NOC2L: variants seen among roughly 807,000 people sequenced by gnomAD.
NOC2L encodes NOC2 like nucleolar associated transcriptional repressor.
Under a neutral mutation model 94.2 loss-of-function variants are expected in NOC2L, and 101 were observed. The observed-to-expected ratio is 1.07, with a 90% CI of 0.91 to 1.26. NOC2L has a LOEUF of 1.26. Ranked by LOEUF, NOC2L falls within the 50% of genes most tolerant of loss-of-function variation. The pLI is 0.00. For synonymous variants in NOC2L, 531 were observed against 413.4 expected (o/e 1.28, Z -3.45); for missense variants, 1,076 against 980.1 (o/e 1.10, Z -1.31).
At chr1:945,764 A>G (rs1371786109) in intron 16 of NOC2L, 111 bp from the exon 17 acceptor site, 2 of 1,346,572 alleles carry the variant, frequency 1.5e-6, no homozygotes, top group Non-Finnish European at 2.1e-6. Flanking sequence ...GCCAATTTCT[A>G]GTCCCCTCTG....
Position 956,762 on chromosome 1 carries a change from G to A in NOC2L, c.486+132C>T, listed in dbSNP as rs908809565. On this transcript the variant is annotated intron_variant, in intron 4 of 18. Coordinates refer to ENST00000327044, the MANE Select transcript of NOC2L (RefSeq NM_015658.4). Reference sequence around the variant, plus strand: ...CCCTCCCACCAGCACAGCCTCAGGCGCCTCAGGTGAGGCAAGGCCAGATCT... The same window carrying A: ...CCCTCCCACCAGCACAGCCTCAGGCACCTCAGGTGAGGCAAGGCCAGATCT... The A allele has an allele frequency of 4.8e-5, 63 of 1,309,224 alleles. No homozygotes were observed. In the African/African-American group the frequency reaches 7.1e-4, roughly 15 times the overall value. 81.1% of individuals were successfully genotyped at this position (1,309,224 alleles called of 1,614,324 possible).
rs756719063 is a variant in NOC2L, at chr1:956,896, T to G, written c.484A>C (p.Lys162Gln). 2.2e-4 allele frequency: 359 copies of G among 1,613,530 alleles called. 1 individual carries two copies. The highest frequency in any genetic ancestry group is 2.9e-4 in the South Asian group (26 of 91,070). ...GCCCGCCCCTGGCTGCTGCTCACCT[T>G]TGCTGCCTGCTTCCATCTCTCAACC... ...AMVERWKQAA[K>Q]QRLTPKLFHE... The change falls in exon 4 of 19, where the codon AAG (lysine) becomes CAG (glutamine). Residue 162 changes from lysine to glutamine, a missense_variant and splice_region_variant. Around this residue, in one of 3 missense-constraint regions of NOC2L, gnomAD observed 457 missense variants for 386.0 expected, o/e 1.18. Transcript: ENST00000327044.
chr1:950,465 G>C (rs769032045), intron 12 of NOC2L, among the ~76,000 whole-genome samples: 42 of 151,352 alleles, frequency 2.8e-4, no homozygotes, highest in Non-Finnish European at 5.0e-4. Context: ...GCATGTGCAT[G>C]CATACAGGTA....
At chr1:949,166 G>A (rs1048598864) in intron 12 of NOC2L, among the ~76,000 whole-genome samples, 1 of 106,142 alleles carries the variant, frequency 9.4e-6, no homozygotes, top group African/African-American at 2.6e-5. Context: ...ATGCCAGGAG[G>A]AGCAGAGAAA....
chr1:944,985 C>A lies in NOC2L; in HGVS notation c.2143+72G>T, dbSNP rs530332032. 5.9e-5 allele frequency: 94 copies of A among 1,605,622 alleles called. No individual in the cohort carries two copies. In the South Asian group the frequency reaches 9.2e-4, roughly 16 times the overall value. ...AGCCTGGCCCAGAGCCCCACGCCCC[C>A]CGCCCACGTGGCTCTGCCCTCCCGC... On this transcript the variant is annotated intron_variant, in intron 18 of 18. Transcript: ENST00000327044.
rs541323033 is a variant in NOC2L at position 950,691 on chromosome 1, C to T, written c.1443+436G>A. Among the ~76,000 whole-genome samples the T allele has an allele frequency of 3.3e-5, 5 of 152,204 alleles. No homozygotes were observed. In the South Asian group the frequency reaches 1.0e-3, roughly 32 times the overall value. On this transcript the variant is annotated intron_variant, in intron 12 of 18. Coordinates refer to ENST00000327044, the MANE Select transcript of NOC2L (RefSeq NM_015658.4). Reference sequence around the variant, plus strand: ...CACACAGATTTACAGACCCATGCACCCAGATGGTGCACACACACGCATGCA... The same window carrying T: ...CACACAGATTTACAGACCCATGCACTCAGATGGTGCACACACACGCATGCA...
At chr1:951,032 A>G (rs1642247410) in intron 12 of NOC2L, 95 bp downstream of exon 12, 1 of 938,736 alleles carries the variant, frequency 1.1e-6, no homozygotes, top group Non-Finnish European at 1.7e-6. Context: ...GGGCTCCGGG[A>G]AGTCGCCGGA....
chr1:952,489 C>T lies in NOC2L; in HGVS notation c.1114G>A (p.Val372Met). 1.2e-6 allele frequency: 2 copies of T among 1,613,792 alleles called. No homozygotes were observed. Among genetic ancestry groups the T allele is most frequent in the South Asian group, 1.1e-5 (1 of 91,090 alleles). ...LTELLALEPG[V>M]AYQHAFLYIR... ...TAGAGGAAGGCGTGCTGGTAGGCCA[C>T]ACCCGGCTCCAGGGCCAGCAGCTCC... is the stretch of plus-strand genomic sequence containing the variant. Residue 372 changes from valine (V) to methionine (M), a missense_variant, in exon 10 of 19, where the codon GTG becomes ATG. Val to Met is a conservative substitution (Grantham distance 21). Around this residue, in one of 3 missense-constraint regions of NOC2L, gnomAD observed 615 missense variants for 577.4 expected, o/e 1.07. Coordinates refer to ENST00000327044, the MANE Select transcript of NOC2L (RefSeq NM_015658.4).
Position 957,027 on chromosome 1 carries a change from T to C in NOC2L, c.355-2A>G, listed in dbSNP as rs778368026. 5.6e-6 allele frequency: 9 copies of C among 1,613,974 alleles called. No homozygotes were observed. Among genetic ancestry groups the C allele is most frequent in the South Asian group, 1.1e-5 (1 of 91,094 alleles). On this transcript the variant is annotated splice_acceptor_variant, in intron 3 of 18. Transcript: ENST00000327044. LOFTEE classifies it high-confidence loss of function. ...TCCATCCTCCTCCTCACTGGCTTCC[T>C]GCACAGAAAGGCTGAGCTGAAGGAG...
rs778441416 is a variant in NOC2L, at chr1:945,606, G to A, written c.1965C>T (p.Asp655=). 7 of 1,614,164 alleles carry A rather than the reference G, an allele frequency of 4.3e-6. No individual in the cohort carries two copies. Among genetic ancestry groups the A allele is most frequent in the South Asian group, 1.1e-5 (1 of 91,088 alleles). Residue 655 remains aspartate (D), a synonymous_variant, in exon 17 of 19, where the codon GAC becomes GAT. Coordinates refer to ENST00000327044, the MANE Select transcript of NOC2L (RefSeq NM_015658.4). The stretch of plus-strand genomic sequence containing the variant: ...ATTGCTTCCTGTCCTCATCCTTCCT[G>A]TCAGCCATCTTCCTTCGTTTGATCT... ...FPEIKRRKMA[D]RKDEDRKQFK...
At position 945,052 on chromosome 1, in the gene NOC2L, T is replaced by C. The variant is rs753223961; in HGVS notation, c.2143+5A>G. 18 of 1,613,862 alleles carry C rather than the reference T, an allele frequency of 1.1e-5. No individual in the cohort carries two copies. Among genetic ancestry groups the C allele is most frequent in the African/African-American group, 2.7e-5 (2 of 74,896 alleles). On this transcript the variant is annotated splice_donor_5th_base_variant and intron_variant, in intron 18 of 18. Transcript: ENST00000327044. ...GCCACACCCTCTCACCCCAAGACCA[T>C]TCACCCTCCGAGTTGCTGCTGTCCT...
chr1:954,633 G>A (rs1487958402), intron 6 of NOC2L: 1 of 152,736 alleles, frequency 6.5e-6, no homozygotes, highest in Non-Finnish European at 1.5e-5. Context: ...AGGAGTTTGA[G>A]ACCAGCCTGA....
At position 953,283 on chromosome 1, in the gene NOC2L, C is replaced by A; in HGVS notation, c.894G>T (p.Met298Ile). The A allele has an allele frequency of 9.0e-6, 14 of 1,559,452 alleles. No individual in the cohort carries two copies. Among genetic ancestry groups the A allele is most frequent in the Non-Finnish European group, 1.1e-5 (13 of 1,130,698 alleles). The change falls in exon 9 of 19, where the codon ATG becomes ATT. Residue 298 changes from methionine (M) to isoleucine (I), a missense_variant. Around this residue, in one of 3 missense-constraint regions of NOC2L, gnomAD observed 4 missense variants for 16.7 expected, o/e 0.24. Transcript: ENST00000327044. ...CTTCCCCAGTGCTCCATACGATCAC[C>A]ATTCTCTGCAGAAGGTCAGACGTCA... ...PKQCRMLLKRMVIVWSTGEES... is the reference protein window; with the variant it reads ...PKQCRMLLKRIVIVWSTGEES...
intron 6 of NOC2L, 91 bp from the exon 7 acceptor site, chr1:954,173 G>A (rs1335672497): frequency 1.1e-5 from 14 of 1,254,176 alleles, no homozygotes; most frequent in South Asian, 6.5e-5. Context: ...GGCCAGCATA[G>A]CCTCTACGAC....
chr1:949,589 G>A (rs1283620322), intron 12 of NOC2L, among the ~76,000 whole-genome samples: 2 of 152,228 alleles, frequency 1.3e-5, no homozygotes, highest in East Asian at 1.9e-4. Flanking sequence ...GGGTGCGGCT[G>A]CAGTGAACCA....
chr1:952,010 C>T lies in NOC2L; in HGVS notation c.1321G>A (p.Gly441Ser), dbSNP rs531109222. The stretch of plus-strand genomic sequence containing the variant: ...CACCCCACAACTCACTTGATACAGC[C>T]AATGATGACTTGGGCAAGGGGGTAG... Reference protein sequence around the residue: ...LVYPLAQVIIGCIKLIPTARF... With the variant: ...LVYPLAQVIISCIKLIPTARF... Residue 441 changes from glycine (G) to serine (S), a missense_variant, in exon 11 of 19, where the codon GGC becomes AGC. Transcript: ENST00000327044. The T allele has an allele frequency of 1.2e-6, 2 of 1,612,492 alleles. No homozygotes were observed. Among genetic ancestry groups the T allele is most frequent in the Non-Finnish European group, 1.7e-6 (2 of 1,179,360 alleles).
intron 18 of NOC2L, 25 bp downstream of exon 18, chr1:945,032 A>G: frequency 6.2e-7 from 1 of 1,613,766 alleles, no homozygotes; most frequent in Non-Finnish European, 8.5e-7. Flanking sequence ...ACAGGGCCAC[A>G]CCCTCTCACC....
At chr1:952,872 T>G (rs915113984) in intron 9 of NOC2L, among the ~76,000 whole-genome samples, 1 of 152,170 alleles carries the variant, frequency 6.6e-6, no homozygotes, top group Non-Finnish European at 1.5e-5. Context: ...GCAGTAGGAC[T>G]GTACCCTGGC....
intron 12 of NOC2L, among the ~76,000 whole-genome samples, chr1:949,982 C>T (rs901626941): frequency 3.3e-5 from 5 of 152,196 alleles, no homozygotes; most frequent in Non-Finnish European, 5.9e-5. Flanking sequence ...CCTAAATTTA[C>T]AGCGGGGTGG....
Sources: gnomAD v4.1 joint callset for allele counts (sites outside exome capture counted in the v4.1 genomes callset) on GRCh38, gnomAD v4.1.1 for gene constraint, gnomAD v4.1.1 regional missense constraint, MANE v1.5 for transcripts, NCBI Gene and HGNC (gene_info 2026-07-23, HGNC 2026-07-21) for gene names.